The following EIF3L variants were observed in gnomAD, a reference collection of about 807,000 sequenced individuals.
EIF3L encodes eukaryotic translation initiation factor 3 subunit L, also known as eIEF associated protein HSPC021.
Under a neutral mutation model 74.6 loss-of-function variants are expected in EIF3L, and 32 were observed. That is an observed-to-expected ratio of 0.43 (90% CI 0.32 to 0.58). The LOEUF (loss-of-function observed/expected upper bound fraction) is 0.58, where lower values mean the gene tolerates loss of function less well. EIF3L is among the 20% of genes least tolerant of loss of function. The probability of loss-of-function intolerance (pLI) is 0.06; values close to 1 mark genes in which losing one functional copy is unlikely to be tolerated. For synonymous variants in EIF3L, 256 were observed against 254.4 expected (o/e 1.01, Z -0.06); for missense variants, 474 against 707.8 (o/e 0.67, Z 3.75).
At chr22:37,867,838 C>T (rs1926234627) in intron 7 of EIF3L, among the ~76,000 whole-genome samples, 1 of 150,848 alleles carries the variant, frequency 6.6e-6, no homozygotes, top group African/African-American at 2.4e-5. Context: ...GCCTGTAGTC[C>T]CAGCTACTCA....
At chr22:37,886,885 C>T in intron 12 of EIF3L, 40 bp downstream of exon 12, 1 of 1,518,390 alleles carries the variant, frequency 6.6e-7, no homozygotes, top group Non-Finnish European at 9.1e-7. Flanking sequence ...TGGCTCAGGA[C>T]AGAGCTTAGG....
At chr22:37,878,223 C>T in intron 11 of EIF3L, 52 bp downstream of exon 11, 2 of 1,528,070 alleles carry the variant, frequency 1.3e-6, no homozygotes, top group South Asian at 1.3e-5. Flanking sequence ...CAGTATCTTT[C>T]ATTCACTATT....
intron 4 of EIF3L, among the ~76,000 whole-genome samples, chr22:37,857,998 C>G (rs1160080427): frequency 6.6e-6 from 1 of 151,794 alleles, no homozygotes; most frequent in Middle Eastern, 3.2e-3. Context: ...AGGGAGACCC[C>G]CTTCTCTACA....
intron 2 of EIF3L, among the ~76,000 whole-genome samples, chr22:37,850,859 G>A (rs1051400828): frequency 4.6e-5 from 7 of 152,282 alleles, no homozygotes; most frequent in Admixed American, 2.6e-4. Context: ...ATAGCAGAGA[G>A]GTTTATTAGT....
At chr22:37,863,441 T>C (rs1338530972) in intron 7 of EIF3L, 96 bp downstream of exon 7, 2 of 1,035,914 alleles carry the variant, frequency 1.9e-6, no homozygotes, top group Non-Finnish European at 2.9e-6. Flanking sequence ...GGTGTAAAAA[T>C]ATCCCCATTG....
At chr22:37,884,001 C>A (rs1368419724) in intron 11 of EIF3L, 1 of 152,168 alleles carries the variant, frequency 6.6e-6, no homozygotes, top group Admixed American at 6.6e-5. Context: ...TCTCCACTGT[C>A]TAATTCCAAA....
intron 3 of EIF3L, among the ~76,000 whole-genome samples, chr22:37,853,089 C>G (rs1004362018): frequency 1.3e-5 from 2 of 151,676 alleles, no homozygotes; most frequent in African/African-American, 4.8e-5. Flanking sequence ...AGAAAGAATT[C>G]GACTGAGGGG....
At chr22:37,869,895 G>GTTTGACTCCAGATTGGATGT in intron 7 of EIF3L, among the ~76,000 whole-genome samples, 1 of 152,288 alleles carries the variant, frequency 6.6e-6, no homozygotes, top group Admixed American at 6.5e-5. Flanking sequence ...TTTGGGTTGT[G>GTTTGACTCCAGATTGGATGT]TTTGACTCCA....
intron 7 of EIF3L, among the ~76,000 whole-genome samples, chr22:37,868,449 G>C (rs1352829386): frequency 6.7e-6 from 1 of 149,766 alleles, no homozygotes; most frequent in South Asian, 2.1e-4. Flanking sequence ...ATATATTCTG[G>C]ATATTCTTTT....
intron 1 of EIF3L, 36 bp downstream of exon 1, chr22:37,849,518 C>G: frequency 6.4e-7 from 1 of 1,567,354 alleles, no homozygotes; most frequent in Non-Finnish European, 8.7e-7. Context: ...GGCTCCACGA[C>G]GGGGTGATCT....
In EIF3L at chr22:37,859,446, A is replaced by G. The variant is rs1414332621; in HGVS notation, c.435+706A>G. On this transcript the variant is annotated intron_variant, in intron 5 of 12. Coordinates refer to ENST00000652021, the MANE Select transcript of EIF3L (RefSeq NM_016091.4). Reference sequence around the variant, plus strand: ...GCCCAGGCTGGAGTACAGTGGCGCGATCTCAGCTCACTGCAGGCTCCACCT... The same window carrying G: ...GCCCAGGCTGGAGTACAGTGGCGCGGTCTCAGCTCACTGCAGGCTCCACCT... 2.2e-5 allele frequency among the ~76,000 whole-genome samples: 3 copies of G among 135,744 alleles called. No homozygotes were observed. The East Asian group carries it at 6.5e-4, about 29-fold the overall frequency. 89.1% of individuals were successfully genotyped at this position (135,744 alleles called of 152,430 possible). A position where few individuals can be genotyped will look rare whatever the true frequency, so the allele number is the denominator to read the frequency against.
At chr22:37,855,687 A>G (rs1272109747) in intron 4 of EIF3L, 43 bp downstream of exon 4, 3 of 1,519,084 alleles carry the variant, frequency 2.0e-6, no homozygotes, top group Non-Finnish European at 2.7e-6. Flanking sequence ...AGTGGAATCC[A>G]GTGGCTGAGT....
chr22:37,873,211 A>G (rs1926565695), intron 8 of EIF3L, among the ~76,000 whole-genome samples: 2 of 150,378 alleles, frequency 1.3e-5, no homozygotes, highest in African/African-American at 4.9e-5. Flanking sequence ...CTGGGCTCAA[A>G]CTCCTGACCT....
intron 10 of EIF3L, 67 bp from the exon 11 acceptor site, chr22:37,877,607 G>A (rs997198960): frequency 1.4e-5 from 21 of 1,522,992 alleles, no homozygotes; most frequent in South Asian, 9.1e-5. Flanking sequence ...GGTGAGGCCA[G>A]TTGGCAGTGG....
chr22:37,849,649 C>G, intron 1 of EIF3L, 167 bp downstream of exon 1: 2 of 743,028 alleles, frequency 2.7e-6, no homozygotes, highest in Non-Finnish European at 4.4e-6. Context: ...ACAACCCTGG[C>G]TCTGCCCGCC....
In EIF3L at chr22:37,858,790, C is replaced by A. The variant is rs1555914388; in HGVS notation, c.435+50C>A. The A allele has an allele frequency of 6.6e-6, 10 of 1,510,298 alleles. No individual in the cohort carries two copies. The Admixed American group carries it at 1.5e-4, about 22-fold the overall frequency. 93.6% of individuals were successfully genotyped at this position (1,510,298 alleles called of 1,614,324 possible). On this transcript the variant is annotated intron_variant, in intron 5 of 12. Coordinates refer to ENST00000652021, the MANE Select transcript of EIF3L (RefSeq NM_016091.4). ...TTTTTTTGTTTTTGTTTTTTTAACTCTGTGCTGTTTTTGTCCCTAGAACAC... is the reference window on the plus strand; with the variant it reads ...TTTTTTTGTTTTTGTTTTTTTAACTATGTGCTGTTTTTGTCCCTAGAACAC...
In EIF3L at chr22:37,878,012, G is replaced by A; in HGVS notation, c.1416G>A (p.Val472=). 1 of 1,613,726 alleles carries A rather than the reference G, an allele frequency of 6.2e-7. No homozygotes were observed. Among genetic ancestry groups the A allele is most frequent in the Non-Finnish European group, 8.5e-7 (1 of 1,179,992 alleles). Residue 472 remains valine (V), a synonymous_variant, in exon 11 of 13, where the codon GTG becomes GTA. Transcript: ENST00000652021. The part of the protein sequence containing the change: ...SFLKLYTTMP[V]AKLAGFLDLT... ...TGAAGCTCTACACCACCATGCCTGT[G>A]GCCAAGCTGGCTGGCTTCCTGGACC...
At position 37,849,552 on chromosome 22, in the gene EIF3L, C is replaced by G; in HGVS notation, c.33+70C>G. ...CTCTGGGACCACTGGATGTGGGTCC[C>G]GGCGCGAGGCAGCTTCCGGGTCGCG... On this transcript the variant is annotated intron_variant, in intron 1 of 12. Transcript: ENST00000652021. 3 of 1,497,756 alleles carry G rather than the reference C, an allele frequency of 2.0e-6. No individual in the cohort carries two copies. The South Asian group carries it at 3.9e-5, about 20-fold the overall frequency. The allele number at this position is 1,497,756 out of a possible 1,614,324, so 92.8% of individuals were successfully genotyped here.
chr22:37,888,145 A>G, intron 12 of EIF3L: 1 of 364,170 alleles, frequency 2.7e-6, no homozygotes, highest in Non-Finnish European at 4.9e-6. Flanking sequence ...AGTAACCTTG[A>G]AACGTCTGGC....
Sources: gnomAD v4.1 joint callset for allele counts (sites outside exome capture counted in the v4.1 genomes callset) on GRCh38, gnomAD v4.1.1 for gene constraint, MANE v1.5 for transcripts, NCBI Gene and HGNC (gene_info 2026-07-23, HGNC 2026-07-21) for gene names.